Variants in CNTNAP2 observed in about 807,000 individuals in gnomAD.
CNTNAP2 encodes contactin-associated protein-like 2.
CNTNAP2 carries 98 observed loss-of-function variants against 155.2 expected under a neutral mutation model. The ratio of observed to expected loss-of-function variants is 0.63; its 90% CI spans 0.54 to 0.75. The LOEUF is 0.75. Among genes scored for constraint, CNTNAP2 ranks in the 30% least tolerant of loss-of-function variants. The pLI is 0.00. For missense variants in CNTNAP2, 1,727 were observed against 1,688.1 expected, an observed-to-expected ratio of 1.02 and a Z score of -0.40; for synonymous variants, 651 against 631.2, an observed-to-expected ratio of 1.03 and a Z score of -0.47.
At chr7:147,651,996 T>C (rs1006875096) in intron 13 of CNTNAP2, among the ~76,000 whole-genome samples, 1 of 152,172 alleles carries the variant, frequency 6.6e-6, no homozygotes, top group African/African-American at 2.4e-5. Context: ...CCATGCATCA[T>C]AAAGGTAATG....
intron 13 of CNTNAP2, among the ~76,000 whole-genome samples, chr7:147,751,128 C>A (rs1387380115): frequency 6.6e-6 from 1 of 151,374 alleles, no homozygotes; most frequent in Non-Finnish European, 1.5e-5. Flanking sequence ...AGTTCTGCCA[C>A]AATTAGCTGT....
chr7:147,179,239 A>G (rs892909408), intron 8 of CNTNAP2, among the ~76,000 whole-genome samples: 4 of 152,218 alleles, frequency 2.6e-5, no homozygotes, highest in African/African-American at 9.7e-5. Context: ...CTTCAATTTT[A>G]AGAAACAAAA....
At chr7:148,321,758 C>T (rs1585270434) in intron 21 of CNTNAP2, among the ~76,000 whole-genome samples, 1 of 152,228 alleles carries the variant, frequency 6.6e-6, no homozygotes. Flanking sequence ...AGTAAACTTG[C>T]TTCGATGCAC....
chr7:146,394,586 A>T (rs1196935736), intron 1 of CNTNAP2, among the ~76,000 whole-genome samples: 1 of 152,126 alleles, frequency 6.6e-6, no homozygotes, highest in East Asian at 1.9e-4. Context: ...AGGTTAAAGG[A>T]GGCAAACTGA....
At chr7:147,670,311 G>A (rs569810080) in intron 13 of CNTNAP2, among the ~76,000 whole-genome samples, 44 of 152,258 alleles carry the variant, frequency 2.9e-4, no homozygotes, top group African/African-American at 7.9e-4. Flanking sequence ...CCAGGGATGT[G>A]AATGCCCTGG....
chr7:146,644,682 A>T (rs986912008), intron 1 of CNTNAP2, among the ~76,000 whole-genome samples: 11 of 152,190 alleles, frequency 7.2e-5, no homozygotes, highest in Non-Finnish European at 1.5e-4. Context: ...ACAAACTACC[A>T]TCAGAGAATA....
intron 3 of CNTNAP2, among the ~76,000 whole-genome samples, chr7:146,958,286 A>T (rs1797477601): frequency 6.6e-6 from 1 of 152,146 alleles, no homozygotes; most frequent in East Asian, 1.9e-4. Context: ...GAGCAATAGC[A>T]TGTTTGAGAA....
chr7:148,367,616 C>T (rs1798808800), intron 21 of CNTNAP2, among the ~76,000 whole-genome samples: 1 of 151,960 alleles, frequency 6.6e-6, no homozygotes, highest in African/African-American at 2.4e-5. Context: ...GAAATGGGCT[C>T]ATGCCAAAAG....
intron 3 of CNTNAP2, among the ~76,000 whole-genome samples, chr7:146,874,998 T>C (rs75708793): frequency 6.6e-6 from 1 of 152,200 alleles, no homozygotes; most frequent in Non-Finnish European, 1.5e-5. Context: ...ATCAACGTCA[T>C]TAACTTTGGA....
intron 8 of CNTNAP2, among the ~76,000 whole-genome samples, chr7:147,171,942 C>T (rs1009696855): frequency 2.0e-5 from 3 of 151,892 alleles, no homozygotes; most frequent in African/African-American, 7.3e-5. Flanking sequence ...ACTCAAAATG[C>T]CATTCATTTA....
At chr7:146,749,432 C>A (rs956582115) in intron 1 of CNTNAP2, among the ~76,000 whole-genome samples, 10 of 152,126 alleles carry the variant, frequency 6.6e-5, no homozygotes, top group African/African-American at 2.4e-4. Flanking sequence ...TTATTCTTAA[C>A]TACTAGATTA....
chr7:147,294,679 A>G (rs1397258861), intron 8 of CNTNAP2, among the ~76,000 whole-genome samples: 1 of 151,390 alleles, frequency 6.6e-6, no homozygotes, highest in African/African-American at 2.4e-5. Flanking sequence ...TTGTTTTGAG[A>G]TGAAGTTTTG....
intron 3 of CNTNAP2, among the ~76,000 whole-genome samples, chr7:146,912,525 C>A (rs1796304850): frequency 6.6e-6 from 1 of 151,996 alleles, no homozygotes; most frequent in African/African-American, 2.4e-5. Flanking sequence ...TTAAATTAAT[C>A]TTTTGGTACT....
chr7:146,877,601 T>C (rs1795455358), intron 3 of CNTNAP2, among the ~76,000 whole-genome samples: 1 of 149,796 alleles, frequency 6.7e-6, no homozygotes, highest in East Asian at 2.0e-4. Flanking sequence ...TATACATATG[T>C]GTGTATACTA....
intron 20 of CNTNAP2, among the ~76,000 whole-genome samples, chr7:148,254,328 A>G (rs1796423343): frequency 6.6e-6 from 1 of 152,202 alleles, no homozygotes; most frequent in Middle Eastern, 3.2e-3. Flanking sequence ...ACCAGGAACC[A>G]AATTTAAACA....
chr7:146,231,625 AT>A (rs1030342707), intron 1 of CNTNAP2, among the ~76,000 whole-genome samples: 3 of 152,160 alleles, frequency 2.0e-5, no homozygotes, highest in African/African-American at 7.2e-5. Context: ...TTTGTATCCT[AT>A]TTTGACCCAT....
At chr7:148,115,853 T>C (rs1370038018) in intron 15 of CNTNAP2, among the ~76,000 whole-genome samples, 1 of 151,560 alleles carries the variant, frequency 6.6e-6, no homozygotes, top group African/African-American at 2.4e-5. Context: ...AAAAAAAAAA[T>C]AGCAGCCGAG....
chr7:146,585,145 C>T (rs547227469), intron 1 of CNTNAP2, among the ~76,000 whole-genome samples: 10 of 117,732 alleles, frequency 8.5e-5, no homozygotes, highest in Non-Finnish European at 1.7e-4. Flanking sequence ...TTTGTTTTTT[C>T]GGAGTCCCAC....
intron 1 of CNTNAP2, among the ~76,000 whole-genome samples, chr7:146,721,339 CATTCTATATAT>C (rs1190473285): frequency 1.6e-5 from 2 of 124,226 alleles, no homozygotes; most frequent in Non-Finnish European, 3.2e-5. Context: ...ATTCTATATA[CATTCTATATAT>C]ACATTCTATA....
Sources: allele counts gnomAD v4.1 joint callset (sites outside exome capture counted in the v4.1 genomes callset), GRCh38; gene constraint gnomAD v4.1.1; transcripts MANE v1.5; gene names NCBI Gene and HGNC (gene_info 2026-07-23, HGNC 2026-07-21).